Variants in ADAMTS7 observed in about 807,000 individuals in gnomAD.
The protein encoded by ADAMTS7 is A disintegrin and metalloproteinase with thrombospondin motifs 7.
In ADAMTS7, 89 loss-of-function variants were observed where a neutral mutation model predicts 172.6. That is an observed-to-expected ratio of 0.52 (90% confidence interval 0.43 to 0.61). The LOEUF (loss-of-function observed/expected upper bound fraction) is 0.61, where lower values mean the gene tolerates loss of function less well. Ranked by LOEUF, ADAMTS7 falls within the 20% of genes least tolerant of loss-of-function variation. The probability of loss-of-function intolerance (pLI) is 0.00; values close to 1 mark genes in which losing one functional copy is unlikely to be tolerated. For synonymous variants in ADAMTS7, 885 were observed against 978.4 expected (o/e 0.90, Z 1.78); for missense variants, 1,973 against 2,355.6 (o/e 0.84, Z 3.36).
chr15:78,779,099 C>T (rs964852384), intron 8 of ADAMTS7, among the ~76,000 whole-genome samples: 44 of 152,076 alleles, frequency 2.9e-4, no homozygotes, highest in Admixed American at 1.3e-4. Flanking sequence ...CCCAGAGCTG[C>T]GGAGAAGAAA....
At chr15:78,778,498 A>G (rs1340381355) in intron 8 of ADAMTS7, among the ~76,000 whole-genome samples, 1 of 152,148 alleles carries the variant, frequency 6.6e-6, no homozygotes, top group Non-Finnish European at 1.5e-5. Context: ...TGGCATGCTG[A>G]CCACCCTGCC....
chr15:78,789,668 C>T (rs781468541), intron 7 of ADAMTS7, 21 bp downstream of exon 7: 29 of 1,613,082 alleles, frequency 1.8e-5, no homozygotes, highest in Non-Finnish European at 2.5e-5. Context: ...CTCAGTGTAG[C>T]AATGGGGGCA....
In ADAMTS7 at chr15:78,790,728, T is replaced by C; in HGVS notation, c.970A>G (p.Ile324Val). 1 of 1,614,096 alleles carries C rather than the reference T, an allele frequency of 6.2e-7. No individual in the cohort carries two copies. Among genetic ancestry groups the C allele is most frequent in the Non-Finnish European group, 8.5e-7 (1 of 1,180,026 alleles). ...LKSFCKWQKSINMKGDAHPLH... is the reference protein window; with the variant it reads ...LKSFCKWQKSVNMKGDAHPLH... ...GGATGGGCATCCCCCTTCATGTTGA[T>C]GCTTTTCTGCCACTTGCAGAAGCTC... The change falls in exon 6 of 24, where the codon ATC becomes GTC. Residue 324 changes from isoleucine (I) to valine (V), a missense_variant. Around this residue, in one of 8 missense-constraint regions of ADAMTS7, gnomAD observed 526 missense variants for 662.9 expected, o/e 0.79. Coordinates refer to ENST00000388820, the MANE Select transcript of ADAMTS7 (RefSeq NM_014272.5).
chr15:78,760,099 C>G (rs554490155), intron 23 of ADAMTS7, among the ~76,000 whole-genome samples: 6,898 of 150,496 alleles, frequency 0.046, 254 homozygotes, highest in Middle Eastern at 0.082. Context: ...TCACAGGGTC[C>G]CATCTCCCAG....
Position 78,788,326 on chromosome 15 carries a change from C to T in ADAMTS7, c.1227G>A (p.Gly409=). The T allele has an allele frequency of 3.7e-6, 6 of 1,613,528 alleles. 1 individual carries two copies. Among genetic ancestry groups the T allele is most frequent in the South Asian group, 3.3e-5 (3 of 91,048 alleles). The change falls in exon 8 of 24, where the codon GGG becomes GGA. Residue 409 remains glycine (G), a synonymous_variant. Transcript: ENST00000388820. ...GTGGAGACATGATGAAAGGTCGTTT[C>T]CCAACGGGCTCACAGTCATTGCCGC... ...DGSGNDCEPV[G]KRPFIMSPQL...
intron 8 of ADAMTS7, among the ~76,000 whole-genome samples, chr15:78,778,048 A>G (rs928966535): frequency 3.3e-5 from 5 of 152,224 alleles, no homozygotes; most frequent in African/African-American, 4.8e-5. Context: ...ATCTGTGGAA[A>G]GGCGAGGTCT....
chr15:78,788,222 G>A lies in ADAMTS7; in HGVS notation c.1322+9C>T, dbSNP rs1231134629. 6.2e-7 allele frequency: 1 copy of A among 1,613,264 alleles called. No homozygotes were observed. Among genetic ancestry groups the A allele is most frequent in the Admixed American group, 1.7e-5 (1 of 60,004 alleles). On this transcript the variant is annotated intron_variant, in intron 8 of 23. Coordinates refer to ENST00000388820, the MANE Select transcript of ADAMTS7 (RefSeq NM_014272.5). ...TCAAGGTATAGGGGCCCAGGGCTGG[G>A]GGACTTACTCAAGGAACCTGGTGAT...
chr15:78,780,578 C>T (rs984215244), intron 8 of ADAMTS7, among the ~76,000 whole-genome samples: 1 of 151,532 alleles, frequency 6.6e-6, no homozygotes, highest in Admixed American at 6.6e-5. Flanking sequence ...ATGCTGTGAC[C>T]TCTCCCCAGG....
At chr15:78,781,858 A>C (rs939041936) in intron 8 of ADAMTS7, among the ~76,000 whole-genome samples, 13 of 152,202 alleles carry the variant, frequency 8.5e-5, no homozygotes, top group Non-Finnish European at 1.5e-4. Context: ...AATAGTAATG[A>C]GTGTGCGTGA....
chr15:78,782,509 G>A (rs2055442032), intron 8 of ADAMTS7, among the ~76,000 whole-genome samples: 1 of 151,964 alleles, frequency 6.6e-6, no homozygotes, highest in Admixed American at 6.6e-5. Flanking sequence ...GGCATGTTGA[G>A]CAGACAGATT....
chr15:78,770,496 T>TG (rs1229661116), intron 16 of ADAMTS7: 2 of 6,582 alleles, frequency 3.0e-4, no homozygotes, highest in African/African-American at 5.6e-4. Flanking sequence ...GGGGCGTTGG[T>TG]GGGGGGGACT....
At position 78,771,047 on chromosome 15, in the gene ADAMTS7, G is replaced by A. The variant is rs2055240121; in HGVS notation, c.2518+115C>T. 1 of 1,376,302 alleles carries A rather than the reference G, an allele frequency of 7.3e-7. No homozygotes were observed. Among genetic ancestry groups the A allele is most frequent in the Non-Finnish European group, 9.8e-7 (1 of 1,023,322 alleles). The allele number at this position is 1,376,302 out of a possible 1,614,324, so 85.3% of individuals were successfully genotyped here. ...CTCACAGATGGAGAACTGAGGCTCA[G>A]AGAAGCAAACTTCCAAACCCGTGGT... On this transcript the variant is annotated intron_variant, in intron 16 of 23. Transcript: ENST00000388820. The surrounding 1 kb of genome is among the most constrained non-coding windows in gnomAD (Gnocchi z 4.9).
intron 2 of ADAMTS7, 108 bp downstream of exon 2, chr15:78,800,084 A>C: frequency 1.0e-6 from 1 of 1,001,038 alleles, no homozygotes; most frequent in South Asian, 1.5e-5. Context: ...TGGCAGAGAA[A>C]AAGTGCACTG....
At chr15:78,796,508 G>A (rs1567236356) in intron 4 of ADAMTS7, 82 bp downstream of exon 4, 7 of 1,484,990 alleles carry the variant, frequency 4.7e-6, no homozygotes, top group Non-Finnish European at 6.4e-6. Context: ...CAGCCTGACA[G>A]CCTTCCTGCC....
intron 18 of ADAMTS7, among the ~76,000 whole-genome samples, 158 bp from the exon 19 acceptor site, chr15:78,767,209 C>T (rs1203382454): frequency 1.3e-5 from 2 of 152,126 alleles, no homozygotes; most frequent in Non-Finnish European, 2.9e-5. Flanking sequence ...ATGACTGTGG[C>T]CATGCTTGCC....
chr15:78,800,572 C>A, intron 1 of ADAMTS7, 25 bp from the exon 2 acceptor site: 2 of 1,564,846 alleles, frequency 1.3e-6, no homozygotes, highest in Non-Finnish European at 1.7e-6. Flanking sequence ...CCACAAACGC[C>A]TAGGCCCAGG....
rs771828051 is a variant in ADAMTS7, at chr15:78,766,322, G to A, written c.3589C>T (p.Pro1197Ser). 1.2e-6 allele frequency: 2 copies of A among 1,611,294 alleles called. No individual in the cohort carries two copies. Among genetic ancestry groups the A allele is most frequent in the Non-Finnish European group, 1.7e-6 (2 of 1,179,996 alleles). ...PATPESQNDF[P>S]VGKDSQSQLP... Reference sequence around the variant, plus strand: ...TGGCTCTGGCTGTCCTTGCCAACTGGGAAATCATTTTGGCTCTCAGGGGTG... The same window carrying A: ...TGGCTCTGGCTGTCCTTGCCAACTGAGAAATCATTTTGGCTCTCAGGGGTG... The change falls in exon 19 of 24, where the codon CCA becomes TCA. Residue 1197 changes from proline to serine, a missense_variant. Transcript: ENST00000388820.
At chr15:78,788,449 CA>C in intron 7 of ADAMTS7, 75 bp from the exon 8 acceptor site, 1 of 1,566,354 alleles carries the variant, frequency 6.4e-7, no homozygotes. Context: ...TGGACACCCA[CA>C]AGGTGCGCAG....
intron 1 of ADAMTS7, among the ~76,000 whole-genome samples, chr15:78,806,616 G>A (rs910854178): frequency 6.6e-6 from 1 of 152,014 alleles, no homozygotes; most frequent in Non-Finnish European, 1.5e-5. Flanking sequence ...GAAAACGTAA[G>A]GAAGGGAGCC....
Sources: gnomAD v4.1 joint callset for allele counts (sites outside exome capture counted in the v4.1 genomes callset) on GRCh38, gnomAD v4.1.1 for gene constraint, gnomAD v4.1.1 regional missense constraint, Gnocchi (gnomAD v3.1) non-coding constraint, MANE v1.5 for transcripts, NCBI Gene and HGNC (gene_info 2026-07-23, HGNC 2026-07-21) for gene names.